The following ADAMTSL1 variants were observed in gnomAD, a reference collection of about 807,000 sequenced individuals.
The protein encoded by ADAMTSL1 is ADAMTS like 1.
ADAMTSL1 carries 126 observed loss-of-function variants against 201.8 expected under a neutral mutation model. The ratio of observed to expected loss-of-function variants is 0.62; its 90% CI spans 0.54 to 0.72. The LOEUF is 0.72. Among genes scored for constraint, ADAMTSL1 ranks in the 30% least tolerant of loss-of-function variants. The probability of loss-of-function intolerance (pLI) is 0.00; values close to 1 mark genes in which losing one functional copy is unlikely to be tolerated. For missense variants in ADAMTSL1, 2,679 were observed against 2,277.8 expected, an observed-to-expected ratio of 1.18 and a Z score of -3.59; for synonymous variants, 1,121 against 903.4, an observed-to-expected ratio of 1.24 and a Z score of -4.32.
chr9:18,628,723 T>C (rs1826553717), intron 5 of ADAMTSL1, among the ~76,000 whole-genome samples: 1 of 152,250 alleles, frequency 6.6e-6, no homozygotes, highest in Admixed American at 6.5e-5. Context: ...GAGAATTTTA[T>C]GTCTCTGTTT....
At chr9:18,505,682 G>A (rs969214404) in intron 2 of ADAMTSL1, among the ~76,000 whole-genome samples, 7 of 152,130 alleles carry the variant, frequency 4.6e-5, no homozygotes, top group Admixed American at 1.3e-4. Flanking sequence ...AAAGTACCAT[G>A]GTAATATTTT....
intron 4 of ADAMTSL1, among the ~76,000 whole-genome samples, chr9:18,582,270 T>G (rs1373201578): frequency 6.6e-6 from 1 of 152,202 alleles, no homozygotes; most frequent in Non-Finnish European, 1.5e-5. Context: ...AGTTCATCTC[T>G]CAGTTTATCT....
At chr9:18,540,519 G>A (rs1820066049) in intron 3 of ADAMTSL1, among the ~76,000 whole-genome samples, 1 of 152,066 alleles carries the variant, frequency 6.6e-6, no homozygotes, top group South Asian at 2.1e-4. Flanking sequence ...CTTATTTGGG[G>A]GCCTGTGGGT....
At chr9:18,206,290 A>C (rs932930978) in intron 2 of ADAMTSL1, among the ~76,000 whole-genome samples, 1 of 151,956 alleles carries the variant, frequency 6.6e-6, no homozygotes, top group Non-Finnish European at 1.5e-5. Flanking sequence ...TGCCAGGTAC[A>C]CTATTTGATT....
At chr9:18,878,181 G>T (rs920463161) in intron 23 of ADAMTSL1, among the ~76,000 whole-genome samples, 2 of 152,170 alleles carry the variant, frequency 1.3e-5, no homozygotes, top group African/African-American at 4.8e-5. Context: ...TGAGAACTTG[G>T]CCCAGGCTAC....
At chr9:18,553,341 C>A (rs1255776887) in intron 3 of ADAMTSL1, among the ~76,000 whole-genome samples, 1 of 151,164 alleles carries the variant, frequency 6.6e-6, no homozygotes. Flanking sequence ...TAGTATTTAT[C>A]CCCACCTATC....
chr9:18,560,008 C>T (rs1310821290), intron 3 of ADAMTSL1, among the ~76,000 whole-genome samples: 1 of 152,114 alleles, frequency 6.6e-6, no homozygotes, highest in African/African-American at 2.4e-5. Context: ...ATTTCTTTCT[C>T]TTGCCTGATT....
At chr9:18,176,361 A>G (rs1828155799) in intron 2 of ADAMTSL1, among the ~76,000 whole-genome samples, 1 of 152,210 alleles carries the variant, frequency 6.6e-6, no homozygotes, top group South Asian at 2.1e-4. Context: ...TAGTAATGGG[A>G]GTATATATCA....
chr9:18,857,695 G>T (rs949140569), intron 23 of ADAMTSL1, among the ~76,000 whole-genome samples: 34 of 152,184 alleles, frequency 2.2e-4, no homozygotes, highest in African/African-American at 8.2e-4. Flanking sequence ...TACGTCTTTT[G>T]TGAGGAGGTC....
At chr9:18,176,912 T>A (rs1262230049) in intron 2 of ADAMTSL1, among the ~76,000 whole-genome samples, 1 of 152,200 alleles carries the variant, frequency 6.6e-6, no homozygotes, top group Non-Finnish European at 1.5e-5. Flanking sequence ...TTGATTTTAT[T>A]AAAGAAGTCT....
At chr9:18,347,819 T>A (rs987861341) in intron 2 of ADAMTSL1, among the ~76,000 whole-genome samples, 4 of 152,078 alleles carry the variant, frequency 2.6e-5, no homozygotes, top group Admixed American at 2.6e-4. Flanking sequence ...TTGTTTTAAG[T>A]TAGGTGTTGA....
At chr9:17,921,325 G>A (rs1826290565) in intron 1 of ADAMTSL1, among the ~76,000 whole-genome samples, 1 of 152,096 alleles carries the variant, frequency 6.6e-6, no homozygotes, top group South Asian at 2.1e-4. Flanking sequence ...ACATGGTTTG[G>A]TGACTCCTTG....
intron 20 of ADAMTSL1, among the ~76,000 whole-genome samples, chr9:18,805,155 G>A (rs10811037): frequency 0.074 from 11,194 of 152,242 alleles, 540 homozygotes; most frequent in East Asian, 0.21. Flanking sequence ...ATTTCTAGAA[G>A]TGGGTACTTT....
Position 18,660,073 on chromosome 9 carries a change from T to C in ADAMTSL1, c.947-1862T>C, listed in dbSNP as rs543302215. 2.0e-5 allele frequency among the ~76,000 whole-genome samples: 3 copies of C among 152,316 alleles called. No homozygotes were observed. In the South Asian group the frequency reaches 6.2e-4, roughly 32 times the overall value. The stretch of plus-strand genomic sequence containing the variant: ...TAGATTTACATGTATCTTACTTCTT[T>C]GGGCCTCATTTTCCTCACATGGAAA... On this transcript the variant is annotated intron_variant, in intron 8 of 28. Coordinates refer to ENST00000380548, the MANE Select transcript of ADAMTSL1 (RefSeq NM_001040272.6).
chr9:18,257,112 A>G (rs1342010485), intron 2 of ADAMTSL1, among the ~76,000 whole-genome samples: 2 of 152,242 alleles, frequency 1.3e-5, no homozygotes, highest in Non-Finnish European at 1.5e-5. Context: ...TAGGTATGAA[A>G]TAAGTCAAAT....
At chr9:18,156,591 G>C (rs1021255862) in intron 1 of ADAMTSL1, among the ~76,000 whole-genome samples, 1 of 151,578 alleles carries the variant, frequency 6.6e-6, no homozygotes, top group African/African-American at 2.4e-5. Flanking sequence ...TCTTGGCATC[G>C]AATGAGTATT....
At chr9:18,873,886 C>A (rs1827995622) in intron 23 of ADAMTSL1, among the ~76,000 whole-genome samples, 1 of 152,014 alleles carries the variant, frequency 6.6e-6, no homozygotes, top group Non-Finnish European at 1.5e-5. Flanking sequence ...TGACTTTTGG[C>A]AGTATGGTCA....
intron 1 of ADAMTSL1, among the ~76,000 whole-genome samples, chr9:18,128,572 A>C (rs1564015730): frequency 6.6e-6 from 1 of 152,038 alleles, no homozygotes. Context: ...CAGCCTCCCA[A>C]AGCGCTGGGA....
At chr9:18,502,929 A>T (rs933286518) in intron 1 of ADAMTSL1, among the ~76,000 whole-genome samples, 14 of 152,082 alleles carry the variant, frequency 9.2e-5, no homozygotes, top group African/African-American at 2.9e-4. Context: ...TTAATAAATA[A>T]TGTTAAATAA....
Sources: gnomAD v4.1 joint callset for allele counts (sites outside exome capture counted in the v4.1 genomes callset) on GRCh38, gnomAD v4.1.1 for gene constraint, MANE v1.5 for transcripts, NCBI Gene and HGNC (gene_info 2026-07-23, HGNC 2026-07-21) for gene names.